Variants in SBF2 observed in about 807,000 individuals in gnomAD.
The protein encoded by SBF2 is SET binding factor 2, also known as myotubularin-related protein 13.
SBF2 carries 112 observed loss-of-function variants against 225.2 expected under a neutral mutation model. The observed-to-expected ratio is 0.50, with a 90% CI of 0.43 to 0.58. SBF2 has a LOEUF of 0.58. Ranked by LOEUF, SBF2 falls within the 20% of genes least tolerant of loss-of-function variation. The pLI is 0.00. For missense variants in SBF2, 1,996 were observed against 2,206.2 expected, an observed-to-expected ratio of 0.90 and a Z score of 1.91; for synonymous variants, 763 against 773.3, an observed-to-expected ratio of 0.99 and a Z score of 0.22.
intron 1 of SBF2, among the ~76,000 whole-genome samples, chr11:10,246,403 C>G (rs147867680): frequency 0.02 from 3,089 of 152,320 alleles, 100 homozygotes; most frequent in African/African-American, 0.062. Flanking sequence ...CCTGCCTCAG[C>G]CTCCCGAGTA....
At chr11:10,232,717 T>C (rs891828025) in intron 1 of SBF2, among the ~76,000 whole-genome samples, 2 of 152,000 alleles carry the variant, frequency 1.3e-5, no homozygotes, top group African/African-American at 4.8e-5. Context: ...GTACACACAA[T>C]TGTGACCAGT....
chr11:10,097,742 T>C (rs1459958343), intron 2 of SBF2, among the ~76,000 whole-genome samples: 5 of 151,922 alleles, frequency 3.3e-5, no homozygotes, highest in African/African-American at 1.2e-4. Context: ...GTAAGAACAA[T>C]TTCACTTTAG....
intron 1 of SBF2, among the ~76,000 whole-genome samples, chr11:10,246,957 T>C (rs1388428472): frequency 3.3e-5 from 5 of 152,254 alleles, no homozygotes; most frequent in African/African-American, 9.6e-5. Context: ...GCATGGGGCA[T>C]ACACCTATAG....
intron 1 of SBF2, among the ~76,000 whole-genome samples, chr11:10,292,778 A>G (rs1466512557): frequency 6.6e-6 from 1 of 152,232 alleles, no homozygotes; most frequent in African/African-American, 2.4e-5. Flanking sequence ...CCCACACTTA[A>G]TCTTGATAGA....
At chr11:10,296,246 A>G (rs1455562684), upstream of SBF2, among the ~76,000 whole-genome samples, 2 of 152,190 alleles carry the variant, frequency 1.3e-5, no homozygotes, top group Non-Finnish European at 2.9e-5. Context: ...TCAATACTTC[A>G]TTATTTTTTA....
At chr11:9,924,221 C>T (rs1292688678) in intron 16 of SBF2, among the ~76,000 whole-genome samples, 2 of 152,112 alleles carry the variant, frequency 1.3e-5, no homozygotes, top group Admixed American at 6.5e-5. Flanking sequence ...GACTATACCT[C>T]GAGTACCCAC....
intron 1 of SBF2, among the ~76,000 whole-genome samples, chr11:10,255,460 A>G (rs1960787985): frequency 6.6e-6 from 1 of 152,206 alleles, no homozygotes; most frequent in African/African-American, 2.4e-5. Flanking sequence ...AATATAAATA[A>G]AGGAGAAAAA....
intron 18 of SBF2, 66 bp from the exon 19 acceptor site, chr11:9,856,786 T>C: frequency 1.0e-4 from 1 of 9,998 alleles, no homozygotes; most frequent in Non-Finnish European, 2.3e-4. Context: ...AAAACATAGA[T>C]TTTTTTTTTT....
intron 2 of SBF2, among the ~76,000 whole-genome samples, chr11:10,173,206 C>T (rs1191639311): frequency 2.0e-5 from 3 of 152,298 alleles, no homozygotes; most frequent in South Asian, 2.1e-4. Flanking sequence ...CCAGCGTGAG[C>T]GACGCAGAAG....
intron 16 of SBF2, among the ~76,000 whole-genome samples, chr11:9,926,718 T>C (rs1339272878): frequency 6.6e-6 from 1 of 152,116 alleles, no homozygotes; most frequent in Admixed American, 6.5e-5. Context: ...GAAGACATAT[T>C]ATATAAAAAT....
At position 10,002,683 on chromosome 11, in the gene SBF2, T is replaced by G. The variant is rs1256996587; in HGVS notation, c.626A>C (p.Gln209Pro). ...TGCACAAAAGAGGCTGAGGACATTT[T>G]GAATTCCTGAAAACATAAGAGCAAG... Reference protein sequence around the residue: ...VALLFQQLGIQNVLSLFCAVL... With the variant: ...VALLFQQLGIPNVLSLFCAVL... Residue 209 changes from glutamine (Q) to proline (P), a missense_variant, in exon 7 of 40, where the codon CAA becomes CCA. Physicochemically the swap from Gln to Pro is moderately conservative, Grantham distance 76 (BLOSUM62 -1). Transcript: ENST00000256190. The G allele has an allele frequency of 3.7e-6, 6 of 1,613,220 alleles. No homozygotes were observed. Among genetic ancestry groups the G allele is most frequent in the Non-Finnish European group, 5.1e-6 (6 of 1,179,374 alleles).
intron 17 of SBF2, among the ~76,000 whole-genome samples, chr11:9,865,516 C>T (rs550640040): frequency 6.6e-6 from 1 of 151,576 alleles, no homozygotes; most frequent in African/African-American, 2.4e-5. Context: ...ATAGTGAAAC[C>T]CTGTCTCTAC....
chr11:9,932,559 T>G (rs759612563), intron 16 of SBF2, among the ~76,000 whole-genome samples: 1 of 152,026 alleles, frequency 6.6e-6, no homozygotes, highest in African/African-American at 2.4e-5. Context: ...AGAAATAAAA[T>G]CCTTTACAGA....
At chr11:10,015,039 T>C (rs1365642702) in intron 6 of SBF2, among the ~76,000 whole-genome samples, 1 of 152,084 alleles carries the variant, frequency 6.6e-6, no homozygotes, top group Non-Finnish European at 1.5e-5. Flanking sequence ...GACGCTGACG[T>C]AGGAGGACTG....
intron 28 of SBF2, chr11:9,828,087 C>G (rs1444892441): frequency 8.6e-7 from 1 of 1,164,476 alleles, no homozygotes; most frequent in Admixed American, 2.9e-5. Flanking sequence ...TGCTTTTAAG[C>G]TTGCATCAGT....
Position 9,816,933 on chromosome 11 carries a change from G to A in SBF2, c.3885C>T (p.His1295=). 6 of 1,614,198 alleles carry A rather than the reference G, an allele frequency of 3.7e-6. No individual in the cohort carries two copies. The highest frequency in any genetic ancestry group is 5.1e-6 in the Non-Finnish European group (6 of 1,180,032). ...DVGARLAGKD[H]SASFSNSSYL... Reference sequence around the variant, plus strand: ...AGCTGCTGTTACTGAAGGAGGCCGAGTGATCCTTGCCTGCCAGCCGGGCGC... The same window carrying A: ...AGCTGCTGTTACTGAAGGAGGCCGAATGATCCTTGCCTGCCAGCCGGGCGC... The change falls in exon 29 of 40, where the codon CAC becomes CAT. Residue 1295 remains histidine, a synonymous_variant. Transcript: ENST00000256190.
intron 2 of SBF2, among the ~76,000 whole-genome samples, chr11:10,140,810 T>C (rs999367846): frequency 7.2e-5 from 11 of 152,060 alleles, no homozygotes; most frequent in Admixed American, 5.9e-4. Flanking sequence ...CCATCAGAAT[T>C]GCATTGAACT....
At chr11:10,002,018 C>A (rs1229781048) in intron 7 of SBF2, among the ~76,000 whole-genome samples, 1 of 151,908 alleles carries the variant, frequency 6.6e-6, no homozygotes, top group Non-Finnish European at 1.5e-5. Flanking sequence ...AAAATTTTAA[C>A]ATATCCCATA....
chr11:9,886,915 T>C (rs1203824225), intron 17 of SBF2, among the ~76,000 whole-genome samples: 1 of 152,208 alleles, frequency 6.6e-6, no homozygotes, highest in Non-Finnish European at 1.5e-5. Context: ...GTTTGACTAA[T>C]CTATCTTCTC....
Sources: allele counts gnomAD v4.1 joint callset (sites outside exome capture counted in the v4.1 genomes callset), GRCh38; gene constraint gnomAD v4.1.1; transcripts MANE v1.5; gene names NCBI Gene and HGNC (gene_info 2026-07-23, HGNC 2026-07-21).